The following APBA2 variants were observed in gnomAD, a reference collection of about 807,000 sequenced individuals.
The protein encoded by APBA2 is amyloid beta precursor protein binding family A member 2.
APBA2 carries 30 observed loss-of-function variants against 75.0 expected under a neutral mutation model. The observed-to-expected ratio is 0.40, with a 90% CI of 0.30 to 0.54. The LOEUF (loss-of-function observed/expected upper bound fraction) is 0.54, where lower values mean the gene tolerates loss of function less well. Ranked by LOEUF, APBA2 falls within the 20% of genes least tolerant of loss-of-function variation. The pLI is 0.49. For synonymous variants in APBA2, 444 were observed against 409.6 expected, an observed-to-expected ratio of 1.08 and a Z score of -1.01; for missense variants, 801 against 1,016.1, an observed-to-expected ratio of 0.79 and a Z score of 2.88.
At chr15:29,056,622 C>CTTCCTTCCTTCCT (rs1595855474) in intron 4 of APBA2, among the ~76,000 whole-genome samples, 1 of 96,328 alleles carries the variant, frequency 1.0e-5, no homozygotes, top group African/African-American at 4.8e-5. Context: ...CCTTCTCTCC[C>CTTCCTTCCTTCCT]TCCCTCCCTC....
intron 3 of APBA2, among the ~76,000 whole-genome samples, chr15:29,008,641 C>T (rs1288273405): frequency 2.0e-5 from 3 of 152,020 alleles, no homozygotes; most frequent in Non-Finnish European, 4.4e-5. Context: ...CCTGGAAGTT[C>T]GAGGCTGCAG....
intron 2 of APBA2, among the ~76,000 whole-genome samples, chr15:28,974,478 G>GAATACAACTT (rs1184139397): frequency 1.3e-5 from 2 of 152,132 alleles, no homozygotes; most frequent in African/African-American, 4.8e-5. Flanking sequence ...TGATAATAGG[G>GAATACAACTT]AATACAACTT....
chr15:29,056,598 C>CTTCCT (rs534817800), intron 4 of APBA2, among the ~76,000 whole-genome samples: 286 of 1,384 alleles, frequency 0.21, 12 homozygotes, highest in African/African-American at 0.36. Context: ...CCCTCCCTCC[C>CTTCCT]TCCCTCCCTC....
In APBA2 at chr15:29,050,910, G is replaced by A. The variant is rs138106115; in HGVS notation, c.-40-2935G>A. ...ACAGGGATGCTGTAGAGATGGCACCGCTATGCAAGGAATGGGAGCTGTGTG... is the reference window on the plus strand; with the variant it reads ...ACAGGGATGCTGTAGAGATGGCACCACTATGCAAGGAATGGGAGCTGTGTG... On this transcript the variant is annotated intron_variant, in intron 3 of 14. Coordinates refer to ENST00000683413, the MANE Select transcript of APBA2 (RefSeq NM_001353788.2). 9.3e-4 allele frequency among the ~76,000 whole-genome samples: 142 copies of A among 152,300 alleles called. 2 individuals carry two copies. The highest frequency in any genetic ancestry group is 3.2e-3 in the African/African-American group (134 of 41,562).
chr15:28,942,311 T>C (rs1159562979), intron 2 of APBA2, among the ~76,000 whole-genome samples: 3 of 152,180 alleles, frequency 2.0e-5, no homozygotes, highest in Non-Finnish European at 2.9e-5. Flanking sequence ...TCCTGTCTTC[T>C]GTCTTGACTC....
intron 4 of APBA2, among the ~76,000 whole-genome samples, chr15:29,056,583 T>TCCCC (rs2041898241): frequency 2.6e-4 from 1 of 3,886 alleles, no homozygotes; most frequent in Non-Finnish European, 6.4e-4. Flanking sequence ...CCTTCCTCCC[T>TCCCC]CCCTCCCTCC....
At chr15:29,097,983 C>T (rs931403915) in intron 8 of APBA2, among the ~76,000 whole-genome samples, 4 of 152,206 alleles carry the variant, frequency 2.6e-5, no homozygotes, top group Non-Finnish European at 4.4e-5. Flanking sequence ...AATGACATGG[C>T]TTTTTCTTTG....
intron 2 of APBA2, among the ~76,000 whole-genome samples, chr15:28,959,868 G>A (rs1011999553): frequency 2.0e-5 from 3 of 152,188 alleles, no homozygotes; most frequent in Non-Finnish European, 4.4e-5. Context: ...TTGAGGCTGG[G>A]TGTGGGAGCT....
chr15:28,905,624 C>T (rs1020929601), intron 1 of APBA2, among the ~76,000 whole-genome samples: 1 of 152,164 alleles, frequency 6.6e-6, no homozygotes, highest in Non-Finnish European at 1.5e-5. Context: ...CTCTTGGGCT[C>T]AGGCAATCCT....
At chr15:29,030,972 T>C (rs2040460106) in intron 3 of APBA2, among the ~76,000 whole-genome samples, 1 of 152,328 alleles carries the variant, frequency 6.6e-6, no homozygotes, top group South Asian at 2.1e-4. Flanking sequence ...TACATGATGC[T>C]CTTGGTGGAT....
intron 2 of APBA2, among the ~76,000 whole-genome samples, chr15:28,948,505 G>T (rs985847641): frequency 2.6e-5 from 4 of 152,174 alleles, no homozygotes; most frequent in African/African-American, 9.7e-5. Context: ...AGGTGATGGG[G>T]ACACGCCTGT....
At chr15:28,914,905 A>G (rs1357698755) in intron 1 of APBA2, among the ~76,000 whole-genome samples, 2 of 151,734 alleles carry the variant, frequency 1.3e-5, no homozygotes, top group African/African-American at 4.9e-5. Context: ...TGCAGTGCAC[A>G]GGTGTGCATG....
chr15:28,923,809 T>C (rs1194556941), intron 2 of APBA2, among the ~76,000 whole-genome samples: 2 of 152,182 alleles, frequency 1.3e-5, no homozygotes, highest in Non-Finnish European at 2.9e-5. Flanking sequence ...TCTCAGTGCT[T>C]GGGCCTTTTG....
intron 3 of APBA2, among the ~76,000 whole-genome samples, chr15:29,025,469 G>A (rs371713172): frequency 3.1e-5 from 4 of 128,718 alleles, no homozygotes; most frequent in African/African-American, 1.3e-4. Context: ...GGTTTTCACC[G>A]TGTTAGCCAG....
rs1397840983 is a variant in APBA2 at position 29,053,945 on chromosome 15, G to A, written c.61G>A (p.Gly21Ser). The change falls in exon 4 of 15, where the codon GGT becomes AGT. Residue 21 changes from glycine (G) to serine (S), a missense_variant. By Grantham distance (56) the Gly-to-Ser change is moderately conservative. This residue lies in a region of APBA2 where 434 missense variants were observed against 471.6 expected (regional missense o/e 0.92). Coordinates refer to ENST00000683413, the MANE Select transcript of APBA2 (RefSeq NM_001353788.2). ...SGMLDHRVRP[G>S]PVPHSQEPES... ...CATGTTGGACCATAGGGTGAGACCAGGTCCTGTCCCTCACAGCCAGGAGCC... is the reference window on the plus strand; with the variant it reads ...CATGTTGGACCATAGGGTGAGACCAAGTCCTGTCCCTCACAGCCAGGAGCC... 1.2e-6 allele frequency: 2 copies of A among 1,614,076 alleles called. No homozygotes were observed. Among genetic ancestry groups the A allele is most frequent in the Non-Finnish European group, 8.5e-7 (1 of 1,180,004 alleles).
At chr15:28,889,210 G>A (rs189848343) in intron 1 of APBA2, among the ~76,000 whole-genome samples, 52 of 152,232 alleles carry the variant, frequency 3.4e-4, no homozygotes, top group East Asian at 2.1e-3. Context: ...GTCTTTTCTC[G>A]CCTCCCCTGA....
chr15:29,065,644 T>C (rs2042348951), intron 4 of APBA2, among the ~76,000 whole-genome samples: 1 of 152,176 alleles, frequency 6.6e-6, no homozygotes, highest in African/African-American at 2.4e-5. Context: ...CACACCCACG[T>C]CTGCCCCCAA....
intron 1 of APBA2, among the ~76,000 whole-genome samples, chr15:28,912,555 G>T (rs1257810417): frequency 6.6e-6 from 1 of 152,218 alleles, no homozygotes; most frequent in Non-Finnish European, 1.5e-5. Context: ...GGTTCAGGCT[G>T]GGGAGTCCTG....
chr15:29,061,103 A>C (rs1036626864), intron 4 of APBA2, among the ~76,000 whole-genome samples: 1 of 152,144 alleles, frequency 6.6e-6, no homozygotes, highest in Non-Finnish European at 1.5e-5. Context: ...TCCAGCACCA[A>C]AGATCCTAGT....
Sources: gnomAD v4.1 joint callset for allele counts (sites outside exome capture counted in the v4.1 genomes callset) on GRCh38, gnomAD v4.1.1 for gene constraint, gnomAD v4.1.1 regional missense constraint, MANE v1.5 for transcripts, NCBI Gene and HGNC (gene_info 2026-07-23, HGNC 2026-07-21) for gene names.